Variants in SH2B2 observed in about 807,000 individuals in gnomAD.
SH2B2 encodes the protein SH2B adaptor protein 2.
Under a neutral mutation model 35.7 loss-of-function variants are expected in SH2B2, and 37 were observed. The observed-to-expected ratio is 1.04, with a 90% CI of 0.80 to 1.36. The LOEUF (loss-of-function observed/expected upper bound fraction) is 1.36, where lower values mean the gene tolerates loss of function less well. Among genes scored for constraint, SH2B2 ranks in the 40% most tolerant of loss-of-function variants. The pLI, the probability that SH2B2 is intolerant of heterozygous loss-of-function variation, is 0.00. For missense variants in SH2B2, 852 were observed against 817.7 expected, an observed-to-expected ratio of 1.04 and a Z score of -0.51; for synonymous variants, 383 against 376.4, an observed-to-expected ratio of 1.02 and a Z score of -0.20.
At position 102,300,643 on chromosome 7, in the gene SH2B2, G is replaced by A. The variant is rs1554553425; in HGVS notation, c.93G>A (p.Ala31=). Residue 31 remains alanine (A), a synonymous_variant, in exon 2 of 9, where the codon GCG becomes GCA. Coordinates refer to ENST00000444095, the MANE Select transcript of SH2B2 (RefSeq NM_001359228.2). ...GGCGGCAGTTCTGCGAGCTGCATGC[G>A]CAGGCGGCCGCCGTGGACTTTGCGC... ...PDWRQFCELH[A]QAAAVDFAHK... 2 of 1,549,614 alleles carry A rather than the reference G, an allele frequency of 1.3e-6. No homozygotes were observed. The highest frequency in any genetic ancestry group is 1.7e-6 in the Non-Finnish European group (2 of 1,145,452).
In SH2B2 at chr7:102,297,414, C is replaced by T. The variant is rs1327488113; in HGVS notation, c.-29-3108C>T. ...ATCTCTACACACACACACACACACA[C>T]ACACACACACACACACGCAGTATAC... On this transcript the variant is annotated intron_variant, in intron 1 of 8. Transcript: ENST00000444095. The surrounding 1 kb of genome is among the most constrained non-coding windows in gnomAD (Gnocchi z 4.3). Among the ~76,000 whole-genome samples, 1 of 151,854 alleles carries T rather than the reference C, an allele frequency of 6.6e-6. No individual in the cohort carries two copies. Among genetic ancestry groups the T allele is most frequent in the Non-Finnish European group, 1.5e-5 (1 of 67,960 alleles).
Position 102,301,284 on chromosome 7 carries a change from G to A in SH2B2, c.729+5G>A, listed in dbSNP as rs782592989. 2 of 1,601,922 alleles carry A rather than the reference G, an allele frequency of 1.2e-6. No homozygotes were observed. Among genetic ancestry groups the A allele is most frequent in the South Asian group, 1.1e-5 (1 of 89,694 alleles). The stretch of plus-strand genomic sequence containing the variant: ...GAGTTCTTCGTGCCGCCCAAAGTGA[G>A]TTACCCCATAATCCCACCTAGCCTG... On this transcript the variant is annotated splice_donor_5th_base_variant and intron_variant, in intron 2 of 8. Coordinates refer to ENST00000444095, the MANE Select transcript of SH2B2 (RefSeq NM_001359228.2).
rs151206877 is a variant in SH2B2, at chr7:102,320,210, C to T, written c.1396-121C>T. The stretch of plus-strand genomic sequence containing the variant: ...ATGGGGCTCATGTGTGAGGGGCCCC[C>T]GGCCCTGACACAGCCCCATACAGCC... On this transcript the variant is annotated intron_variant, in intron 7 of 8. Coordinates refer to ENST00000444095, the MANE Select transcript of SH2B2 (RefSeq NM_001359228.2). 178 of 823,954 alleles carry T rather than the reference C, an allele frequency of 2.2e-4. 1 individual carries two copies. The African/African-American group carries it at 2.5e-3, about 12-fold the overall frequency. 51.0% of individuals were successfully genotyped at this position (823,954 alleles called of 1,614,324 possible). A position where few individuals can be genotyped will look rare whatever the true frequency, so the allele number is the denominator to read the frequency against.
chr7:102,285,400 C>G (rs544151624), upstream of SH2B2: 3 of 671,044 alleles, frequency 4.5e-6, no homozygotes, highest in South Asian at 1.7e-5. Context: ...GTCCTGGTTC[C>G]CAACCAGGCG....
intron 4 of SH2B2, 105 bp from the exon 5 acceptor site, chr7:102,314,231 A>T: frequency 2.5e-6 from 1 of 398,038 alleles, no homozygotes. Context: ...GGAGGCCTAG[A>T]TGCTGGGCCA....
intron 2 of SH2B2, among the ~76,000 whole-genome samples, chr7:102,306,168 C>A (rs1366106555): frequency 1.3e-5 from 2 of 152,094 alleles, no homozygotes; most frequent in Non-Finnish European, 2.9e-5. Flanking sequence ...CTCACCGCAA[C>A]CTCCGCCTCC....
chr7:102,285,459 T>G (rs1025372534), upstream of SH2B2, among the ~76,000 whole-genome samples: 3 of 152,136 alleles, frequency 2.0e-5, no homozygotes, highest in Non-Finnish European at 4.4e-5. Context: ...CTGCCGAAGC[T>G]TTCATTAAAG....
intron 1 of SH2B2, among the ~76,000 whole-genome samples, chr7:102,295,746 T>C (rs1792885624): frequency 6.6e-6 from 1 of 152,084 alleles, no homozygotes; most frequent in South Asian, 2.1e-4. Flanking sequence ...CTGGAAGAAG[T>C]GGCTTCTGGA....
chr7:102,285,927 C>T (rs782132593), upstream of SH2B2, among the ~76,000 whole-genome samples: 10 of 152,348 alleles, frequency 6.6e-5, no homozygotes, highest in Non-Finnish European at 1.3e-4. Context: ...CTCTCAGACC[C>T]CTTCCAGGCC....
rs3988122 is a variant in SH2B2 at position 102,297,394 on chromosome 7, T to TACACACACACACACAC, written c.-29-3107_-29-3092dup. On this transcript the variant is annotated intron_variant, in intron 1 of 8. Transcript: ENST00000444095. The surrounding 1 kb of genome is among the most constrained non-coding windows in gnomAD (Gnocchi z 4.3). ...CATCAATAGAGTGAGATCCCATCTC[T>TACACACACACACACAC]ACACACACACACACACACACACACA... 6.9e-6 allele frequency among the ~76,000 whole-genome samples: 1 copy of TACACACACACACACAC among 144,458 alleles called. No homozygotes were observed. Among genetic ancestry groups the TACACACACACACACAC allele is most frequent in the African/African-American group, 2.6e-5 (1 of 38,662 alleles). 94.8% of individuals were successfully genotyped at this position (144,458 alleles called of 152,430 possible).
chr7:102,300,398 A>G, intron 1 of SH2B2, 124 bp from the exon 2 acceptor site: 1 of 1,192,244 alleles, frequency 8.4e-7, no homozygotes, highest in Non-Finnish European at 1.1e-6. Context: ...CCCACAACAC[A>G]CACGTGTGCA....
intron 1 of SH2B2, among the ~76,000 whole-genome samples, chr7:102,287,891 G>A (rs111347719): frequency 6.6e-6 from 1 of 152,186 alleles, no homozygotes; most frequent in African/African-American, 2.4e-5. Context: ...AAGGCAGACC[G>A]GGCAGCCCCA....
intron 1 of SH2B2, among the ~76,000 whole-genome samples, chr7:102,293,403 C>T (rs1444502419): frequency 3.3e-5 from 5 of 151,584 alleles, no homozygotes; most frequent in Admixed American, 3.3e-4. Flanking sequence ...TAGACTTCCC[C>T]TGCCCTCCTC....
intron 1 of SH2B2, among the ~76,000 whole-genome samples, chr7:102,288,296 G>A (rs150022749): frequency 2.0e-3 from 300 of 152,182 alleles, no homozygotes; most frequent in African/African-American, 6.8e-3. Flanking sequence ...TCAGCTCCAG[G>A]AGCTTTGGGA....
At chr7:102,299,189 G>T in intron 1 of SH2B2, among the ~76,000 whole-genome samples, 1 of 56,420 alleles carries the variant, frequency 1.8e-5, no homozygotes, top group African/African-American at 8.0e-5. Flanking sequence ...ATGAGCCACC[G>T]CGCCTGGCTT....
chr7:102,319,929 G>A (rs1793988010), intron 7 of SH2B2, among the ~76,000 whole-genome samples: 1 of 152,016 alleles, frequency 6.6e-6, no homozygotes, highest in South Asian at 2.1e-4. Context: ...CCTGGGCTGG[G>A]GGAACCACCC....
At position 102,301,170 on chromosome 7, in the gene SH2B2, A is replaced by G. The variant is rs781834089; in HGVS notation, c.620A>G (p.Asp207Gly). The change falls in exon 2 of 9, where the codon GAC becomes GGC. Residue 207 changes from aspartate (D) to glycine (G), a missense_variant. Around this residue, in one of 3 missense-constraint regions of SH2B2, gnomAD observed 556 missense variants for 514.5 expected, o/e 1.08. Coordinates refer to ENST00000444095, the MANE Select transcript of SH2B2 (RefSeq NM_001359228.2). ...GCGCTGCGCTTCATGGTGGCCGACG[A>G]CGCGGCCGCGGGCTCCGGGGGCTCG... The part of the protein sequence containing the change: ...EGALRFMVAD[D>G]AAAGSGGSAQ... 1 of 1,573,180 alleles carries G rather than the reference A, an allele frequency of 6.4e-7. No individual in the cohort carries two copies. Among genetic ancestry groups the G allele is most frequent in the South Asian group, 1.2e-5 (1 of 86,606 alleles).
chr7:102,299,796 G>A (rs2132946812), intron 1 of SH2B2, among the ~76,000 whole-genome samples: 1 of 152,306 alleles, frequency 6.6e-6, no homozygotes, highest in South Asian at 2.1e-4. Flanking sequence ...CCACTTGAAA[G>A]CATCCATCAT....
intron 1 of SH2B2, among the ~76,000 whole-genome samples, chr7:102,287,751 C>T (rs1157500408): frequency 6.6e-6 from 1 of 152,178 alleles, no homozygotes; most frequent in East Asian, 1.9e-4. Flanking sequence ...GCTGCGCGGG[C>T]CGGAACCGCG....
Sources: allele counts gnomAD v4.1 joint callset (sites outside exome capture counted in the v4.1 genomes callset), GRCh38; gene constraint gnomAD v4.1.1; regional missense constraint gnomAD v4.1.1; non-coding constraint Gnocchi (gnomAD v3.1); transcripts MANE v1.5; gene names NCBI Gene and HGNC (gene_info 2026-07-23, HGNC 2026-07-21).